PDK3: variants seen among roughly 807,000 people sequenced by gnomAD.
The protein encoded by PDK3 is pyruvate dehydrogenase kinase 3, also known as pyruvate dehydrogenase kinase, isozyme 3.
A neutral mutation model predicts 32.0 loss-of-function variants in PDK3; 12 were observed. That is an observed-to-expected ratio of 0.37 (90% CI 0.24 to 0.61). The LOEUF (loss-of-function observed/expected upper bound fraction) is 0.61, where lower values mean the gene tolerates loss of function less well. PDK3 is among the 20% of genes least tolerant of loss of function. The pLI is 0.65. For missense variants in PDK3, 188 were observed against 316.9 expected, an observed-to-expected ratio of 0.59 and a Z score of 3.09; for synonymous variants, 122 against 116.3, an observed-to-expected ratio of 1.05 and a Z score of -0.31.
At chrX:24,543,836 C>T (rs972260543) in exon 12 of PDK3, among the ~76,000 whole-genome samples, 2 of 112,122 alleles carry the variant, frequency 1.8e-5, no homozygotes, top group Non-Finnish European at 3.8e-5. Flanking sequence ...ACAATTTTGT[C>T]TACAGTTTTA....
chrX:24,498,724 G>T (rs1921777594), intron 2 of PDK3, 105 bp from the exon 3 acceptor site: 1 of 432,260 alleles, frequency 2.3e-6, no homozygotes, highest in African/African-American at 2.5e-5. Flanking sequence ...ATGGAGACCT[G>T]AGTGAAATTT....
In PDK3 at chrX:24,518,847, A is replaced by G. The variant is rs1201662586; in HGVS notation, c.596-86A>G. 31 of 247,027 alleles carry G rather than the reference A, an allele frequency of 1.3e-4. No homozygotes were observed. The African/African-American group carries it at 1.7e-3, about 13-fold the overall frequency. The allele number at this position is 247,027 out of a possible 1,213,427, so 20.4% of individuals were successfully genotyped here. A position where few individuals can be genotyped will look rare whatever the true frequency, so the allele number is the denominator to read the frequency against. ...TATACATGCACATGTGCACACACAC[A>G]CACACACACACACACACACACACAC... On this transcript the variant is annotated intron_variant, in intron 5 of 10. Coordinates refer to ENST00000379162, the MANE Select transcript of PDK3 (RefSeq NM_005391.5).
intron 1 of PDK3, among the ~76,000 whole-genome samples, chrX:24,474,431 T>TTTA (rs1921057723): frequency 1.2e-5 from 1 of 85,085 alleles, no homozygotes; most frequent in South Asian, 6.1e-4. Flanking sequence ...TTATTTATTT[T>TTTA]GAGACGGAGT....
At chrX:24,512,466 C>T (rs888049956) in intron 5 of PDK3, among the ~76,000 whole-genome samples, 12 of 111,915 alleles carry the variant, frequency 1.1e-4, no homozygotes, top group Non-Finnish European at 2.3e-4. Flanking sequence ...GACCCACTCA[C>T]GCTAGCTCAA....
At chrX:24,547,430 TTA>T (rs1923019975) in exon 12 of PDK3, 1 of 111,926 alleles carries the variant, frequency 8.9e-6, no homozygotes, top group Admixed American at 9.5e-5. Context: ...GGGTAATATA[TTA>T]TGTAGAAATT....
rs962074729 is a variant in PDK3 at position 24,501,721 on chromosome X, TAAAC to T, written c.321-1592_321-1589del. Among the ~76,000 whole-genome samples, 21 of 112,209 alleles carry T rather than the reference TAAAC, an allele frequency of 1.9e-4. 1 individual carries two copies. The highest frequency in any genetic ancestry group is 4.6e-3 in the Middle Eastern group (1 of 218). On this transcript the variant is annotated intron_variant, in intron 3 of 10. Transcript: ENST00000379162. The stretch of plus-strand genomic sequence containing the variant: ...AGCAAGACTCTGTCTCATAAATAAA[TAAAC>T]AAACAAACAAACAGCTGTTCACCTT...
At chrX:24,509,737 A>G (rs192846049) in intron 5 of PDK3, among the ~76,000 whole-genome samples, 9 of 111,523 alleles carry the variant, frequency 8.1e-5, no homozygotes, top group African/African-American at 2.3e-4. Flanking sequence ...ACTTTCTGAC[A>G]TCCTTCATTC....
At chrX:24,539,290 T>C (rs1602132039), downstream of PDK3, 2 of 460,897 alleles carry the variant, frequency 4.3e-6, no homozygotes, top group South Asian at 4.3e-5. Flanking sequence ...TAAATGTGTA[T>C]TTTCTCTCTA....
exon 12 of PDK3, chrX:24,547,148 A>G (rs1194302104): frequency 8.9e-6 from 1 of 112,095 alleles, no homozygotes; most frequent in Non-Finnish European, 1.9e-5. Context: ...GAAAATGAAA[A>G]GAAGCGGAGA....
At chrX:24,497,635 A>T (rs1921750512) in intron 2 of PDK3, among the ~76,000 whole-genome samples, 1 of 112,883 alleles carries the variant, frequency 8.9e-6, no homozygotes, top group Non-Finnish European at 1.9e-5. Context: ...CATTAGTATC[A>T]AATGCATTGT....
chrX:24,499,861 T>A (rs5986505), intron 3 of PDK3, among the ~76,000 whole-genome samples: 4,199 of 112,108 alleles, frequency 0.037, 75 homozygotes, highest in Admixed American at 0.071. Flanking sequence ...CTCACCTATT[T>A]TATACTTTGT....
In PDK3 at chrX:24,503,473, C is replaced by T. The variant is rs1602114620; in HGVS notation, c.467C>T (p.Thr156Ile). 2 of 1,200,137 alleles carry T rather than the reference C, an allele frequency of 1.7e-6. No homozygotes were observed. ...NIQYFLDRFY[T>I]NRISFRMLIN... The stretch of plus-strand genomic sequence containing the variant: ...CAATATTTTCTGGATCGGTTTTATA[C>T]CAACCGCATCTCTTTCCGCATGCTT... Residue 156 changes from threonine to isoleucine, a missense_variant, in exon 4 of 11, where the codon ACC (threonine) becomes ATC (isoleucine). Physicochemically the swap from Thr to Ile is moderately conservative, Grantham distance 89. Coordinates refer to ENST00000379162, the MANE Select transcript of PDK3 (RefSeq NM_005391.5).
intron 1 of PDK3, among the ~76,000 whole-genome samples, chrX:24,485,492 G>A (rs1376077283): frequency 2.7e-5 from 3 of 111,307 alleles, no homozygotes; most frequent in South Asian, 3.8e-4. Flanking sequence ...AGCCCGGGGT[G>A]GGGGGATAGG....
intron 3 of PDK3, among the ~76,000 whole-genome samples, chrX:24,502,848 AC>A (rs1921894256): frequency 8.9e-6 from 1 of 111,849 alleles, no homozygotes; most frequent in Non-Finnish European, 1.9e-5. Flanking sequence ...CGTCAAAAGA[AC>A]AAACAAACAA....
intron 1 of PDK3, among the ~76,000 whole-genome samples, chrX:24,470,042 A>G (rs896307342): frequency 8.9e-6 from 1 of 111,839 alleles, no homozygotes; most frequent in African/African-American, 3.3e-5. Flanking sequence ...TTACAGAAGT[A>G]GAGAGAATAG....
intron 1 of PDK3, among the ~76,000 whole-genome samples, chrX:24,468,413 A>G (rs1940082914): frequency 1.8e-5 from 2 of 111,867 alleles, no homozygotes; most frequent in Admixed American, 9.5e-5. Flanking sequence ...ACATGTCTCC[A>G]GTCATTGCCA....
At position 24,543,488 on chromosome X, in the gene PDK3, C is replaced by T. The variant is rs772263009; in HGVS notation, c.*4324C>T. Among the ~76,000 whole-genome samples the T allele has an allele frequency of 7.2e-5, 8 of 111,051 alleles. No homozygotes were observed. In the East Asian group the frequency reaches 2.0e-3, roughly 27 times the overall value. ...TTTTCAAGATAGTGTCTCACTCTGT[C>T]ACCCAGGCTGGAGTGCAGTGGTGTG... is the stretch of plus-strand genomic sequence containing the variant. On this transcript the variant is annotated 3_prime_UTR_variant, in exon 12 of 12. Transcript: ENST00000568479.
chrX:24,470,902 T>C lies in PDK3; in HGVS notation c.106+5341T>C, dbSNP rs1246596451. Among the ~76,000 whole-genome samples the C allele has an allele frequency of 2.7e-5, 3 of 109,597 alleles. No individual in the cohort carries two copies. The Admixed American group carries it at 3.0e-4, about 11-fold the overall frequency. On this transcript the variant is annotated intron_variant, in intron 1 of 10. Coordinates refer to ENST00000379162, the MANE Select transcript of PDK3 (RefSeq NM_005391.5). Reference sequence around the variant, plus strand: ...TTATGACTTTTGTTATCTAGTTTATTGTCTGATTTGACTTTAATAATTCCT... The same window carrying C: ...TTATGACTTTTGTTATCTAGTTTATCGTCTGATTTGACTTTAATAATTCCT...
chrX:24,477,629 T>C, intron 1 of PDK3, among the ~76,000 whole-genome samples: 1 of 111,593 alleles, frequency 9.0e-6, no homozygotes, highest in Admixed American at 9.6e-5. Context: ...GTTACCTATA[T>C]CATTTACGGT....
Sources: allele counts gnomAD v4.1 joint callset (sites outside exome capture counted in the v4.1 genomes callset), GRCh38; gene constraint gnomAD v4.1.1; transcripts MANE v1.5; gene names NCBI Gene and HGNC (gene_info 2026-07-23, HGNC 2026-07-21).